Variants in SDK1 observed in about 807,000 individuals in gnomAD.
SDK1 encodes the protein sidekick cell adhesion molecule 1.
Under a neutral mutation model 245.5 loss-of-function variants are expected in SDK1, and 157 were observed. That is an observed-to-expected ratio of 0.64 (90% CI 0.56 to 0.73). SDK1 has a LOEUF of 0.73. Ranked by LOEUF, SDK1 falls within the 30% of genes least tolerant of loss-of-function variation. SDK1 has a pLI of 0.00. For synonymous variants in SDK1, 1,647 were observed against 1,278.5 expected, an observed-to-expected ratio of 1.29 and a Z score of -6.15; for missense variants, 3,583 against 3,002.3, an observed-to-expected ratio of 1.19 and a Z score of -4.52.
rs186352717 is a variant in SDK1, at chr7:3,467,723, T to C, written c.299-151357T>C. 2.5e-4 allele frequency among the ~76,000 whole-genome samples: 38 copies of C among 152,260 alleles called. 1 individual carries two copies. Among genetic ancestry groups the C allele is most frequent in the Admixed American group, 2.4e-3 (36 of 15,290 alleles). On this transcript the variant is annotated intron_variant, in intron 1 of 44. Coordinates refer to ENST00000404826, the MANE Select transcript of SDK1 (RefSeq NM_152744.4). Reference sequence around the variant, plus strand: ...TTCCATAGTTTCTTTGTATTACAAATTGAGATAAAATTAAAGGTAAACTTA... The same window carrying C: ...TTCCATAGTTTCTTTGTATTACAAACTGAGATAAAATTAAAGGTAAACTTA...
intron 1 of SDK1, among the ~76,000 whole-genome samples, chr7:3,393,498 A>G (rs1781813804): frequency 6.6e-6 from 1 of 152,178 alleles, no homozygotes; most frequent in South Asian, 2.1e-4. Context: ...CTGTACAGAA[A>G]TGTTCATTGC....
intron 7 of SDK1, among the ~76,000 whole-genome samples, chr7:3,955,314 C>T (rs746429132): frequency 2.0e-4 from 31 of 152,334 alleles, no homozygotes; most frequent in Admixed American, 3.9e-4. Flanking sequence ...CCAGCAGCTG[C>T]GGCTGAGTTC....
chr7:3,405,360 A>G (rs1429041240), intron 1 of SDK1, among the ~76,000 whole-genome samples: 1 of 152,148 alleles, frequency 6.6e-6, no homozygotes, highest in African/African-American at 2.4e-5. Context: ...ATCACTGCAC[A>G]AAGGAGCACA....
chr7:3,504,048 G>C (rs932404169), intron 1 of SDK1, among the ~76,000 whole-genome samples: 7 of 151,898 alleles, frequency 4.6e-5, no homozygotes, highest in Non-Finnish European at 8.8e-5. Flanking sequence ...TACTCGGGAG[G>C]CTGAGGCAGG....
intron 1 of SDK1, among the ~76,000 whole-genome samples, chr7:3,550,482 C>G (rs1779366634): frequency 6.6e-6 from 1 of 152,194 alleles, no homozygotes; most frequent in Admixed American, 6.5e-5. Flanking sequence ...ACCTTCAGCT[C>G]TTCTGGGCCA....
intron 32 of SDK1, among the ~76,000 whole-genome samples, chr7:4,164,121 C>A (rs1781343519): frequency 6.6e-6 from 1 of 152,202 alleles, no homozygotes; most frequent in South Asian, 2.1e-4. Flanking sequence ...TGGAAGAGCA[C>A]TTCTGTGGCA....
intron 1 of SDK1, among the ~76,000 whole-genome samples, chr7:3,527,437 T>G (rs960132158): frequency 6.6e-6 from 1 of 152,150 alleles, no homozygotes; most frequent in African/African-American, 2.4e-5. Flanking sequence ...CTGATTGATA[T>G]GATGCCATGA....
At chr7:3,928,455 CTT>C (rs1461054343) in intron 5 of SDK1, among the ~76,000 whole-genome samples, 1 of 152,040 alleles carries the variant, frequency 6.6e-6, no homozygotes, top group African/African-American at 2.4e-5. Context: ...AATGATGAAA[CTT>C]TGTTAATAAA....
At chr7:3,457,743 C>G (rs1335685060) in intron 1 of SDK1, among the ~76,000 whole-genome samples, 2 of 152,154 alleles carry the variant, frequency 1.3e-5, no homozygotes, top group African/African-American at 4.8e-5. Flanking sequence ...TCTGGGTCTT[C>G]CAGACAGCTC....
intron 13 of SDK1, among the ~76,000 whole-genome samples, chr7:3,985,814 T>C (rs1042629613): frequency 1.3e-5 from 2 of 152,206 alleles, no homozygotes; most frequent in Non-Finnish European, 2.9e-5. Context: ...AGCTGTTTCT[T>C]GGGGAACTGA....
intron 1 of SDK1, among the ~76,000 whole-genome samples, chr7:3,399,119 G>C (rs1002786070): frequency 6.6e-6 from 1 of 151,712 alleles, no homozygotes; most frequent in African/African-American, 2.4e-5. Flanking sequence ...GGATGTCCCA[G>C]AGGTGCCAGA....
intron 14 of SDK1, among the ~76,000 whole-genome samples, chr7:4,007,037 C>T (rs1437712690): frequency 1.3e-5 from 2 of 151,086 alleles, no homozygotes; most frequent in Non-Finnish European, 3.0e-5. Flanking sequence ...GATGTTTGTT[C>T]ACTGTGCCTG....
At chr7:3,558,696 T>A (rs1465491451) in intron 1 of SDK1, among the ~76,000 whole-genome samples, 1 of 152,192 alleles carries the variant, frequency 6.6e-6, no homozygotes, top group African/African-American at 2.4e-5. Context: ...GATTATCAAG[T>A]CAAGATATCT....
At chr7:3,984,913 C>T (rs868249071) in intron 13 of SDK1, among the ~76,000 whole-genome samples, 4 of 152,240 alleles carry the variant, frequency 2.6e-5, no homozygotes, top group Non-Finnish European at 4.4e-5. Context: ...CATTTTCCCT[C>T]AACCCTGTCT....
At chr7:3,732,655 G>C (rs957207742) in intron 4 of SDK1, among the ~76,000 whole-genome samples, 2 of 152,206 alleles carry the variant, frequency 1.3e-5, no homozygotes, top group African/African-American at 4.8e-5. Context: ...CTCGCAGTGT[G>C]TCTCCTTCAT....
chr7:3,999,152 A>C (rs891554250), intron 14 of SDK1, among the ~76,000 whole-genome samples: 1 of 152,180 alleles, frequency 6.6e-6, no homozygotes, highest in Non-Finnish European at 1.5e-5. Context: ...GCACACACAC[A>C]TGTATCATGT....
chr7:3,477,189 C>CTTTTTTTTTTTTTT (rs35328849), intron 1 of SDK1, among the ~76,000 whole-genome samples: 1 of 78,626 alleles, frequency 1.3e-5, no homozygotes, highest in Non-Finnish European at 2.3e-5. Flanking sequence ...TGGTTTTCTC[C>CTTTTTTTTTTTTTT]TTTTTTTTTT....
At chr7:3,576,988 T>G (rs932849076) in intron 1 of SDK1, among the ~76,000 whole-genome samples, 6 of 152,134 alleles carry the variant, frequency 3.9e-5, no homozygotes, top group African/African-American at 7.2e-5. Context: ...CCACGGTGGA[T>G]GGACTTCCAT....
At chr7:3,857,195 T>C (rs1195121990) in intron 5 of SDK1, among the ~76,000 whole-genome samples, 6 of 152,102 alleles carry the variant, frequency 3.9e-5, no homozygotes, top group Admixed American at 3.9e-4. Flanking sequence ...ATTAGAAGCA[T>C]TAAGTTTGAA....
Sources: gnomAD v4.1 joint callset for allele counts (sites outside exome capture counted in the v4.1 genomes callset) on GRCh38, gnomAD v4.1.1 for gene constraint, MANE v1.5 for transcripts, NCBI Gene and HGNC (gene_info 2026-07-23, HGNC 2026-07-21) for gene names.